Variants in CAPN3 observed in about 807,000 individuals in gnomAD.
The protein encoded by CAPN3 is calpain-3.
In CAPN3, 88 loss-of-function variants were observed where a neutral mutation model predicts 114.0. The ratio of observed to expected loss-of-function variants is 0.77; its 90% CI spans 0.65 to 0.92. The LOEUF is 0.92. Among genes scored for constraint, CAPN3 ranks in the 40% least tolerant of loss-of-function variants. The pLI is 0.00. For missense variants in CAPN3, 1,028 were observed against 1,069.0 expected, an observed-to-expected ratio of 0.96 and a Z score of 0.53; for synonymous variants, 386 against 382.9, an observed-to-expected ratio of 1.01 and a Z score of -0.09.
rs2054285403 is a variant in CAPN3, at chr15:42,412,278, A to G, written c.*505A>G. 8.3e-6 allele frequency: 10 copies of G among 1,210,746 alleles called. No homozygotes were observed. In the South Asian group the frequency reaches 9.6e-5, roughly 12 times the overall value. 75.0% of individuals were successfully genotyped at this position (1,210,746 alleles called of 1,614,324 possible). On this transcript the variant is annotated 3_prime_UTR_variant, in exon 24 of 24. Coordinates refer to ENST00000397163, the MANE Select transcript of CAPN3 (RefSeq NM_000070.3). Reference sequence around the variant, plus strand: ...AACTCATAAGTTTGGCTGCATTTTGAAAAAAGCTGATCTAAATAAAGGCAT... The same window carrying G: ...AACTCATAAGTTTGGCTGCATTTTGGAAAAAGCTGATCTAAATAAAGGCAT...
rs191304172 is a variant in CAPN3 at position 42,411,555 on chromosome 15, C to T, written c.2440-192C>T. Among the ~76,000 whole-genome samples, 319 of 151,982 alleles carry T rather than the reference C, an allele frequency of 2.1e-3. 2 individuals are homozygous for T. The highest frequency in any genetic ancestry group is 6.9e-3 in the African/African-American group (286 of 41,468). On this transcript the variant is annotated intron_variant, in intron 23 of 23. Coordinates refer to ENST00000397163, the MANE Select transcript of CAPN3 (RefSeq NM_000070.3). ...CCTCTGCTCCCCCAGTCACTTGATG[C>T]GGGAAAACATGCACCTTCTTAGGGA...
chr15:42,405,782 T>C (rs1744368519), intron 14 of CAPN3, 144 bp from the exon 15 acceptor site: 3 of 665,318 alleles, frequency 4.5e-6, no homozygotes, highest in Non-Finnish European at 8.2e-6. Context: ...ATGCCCCTTT[T>C]TGGCTCCATG....
At chr15:42,398,537 T>C (rs1241977869) in intron 9 of CAPN3, among the ~76,000 whole-genome samples, 1 of 148,782 alleles carries the variant, frequency 6.7e-6, no homozygotes, top group Non-Finnish European at 1.5e-5. Context: ...TGAGCCAAGA[T>C]CATGCCACTG....
chr15:42,359,752 A>G lies in CAPN3; in HGVS notation c.-54A>G. 6.2e-7 allele frequency: 1 copy of G among 1,610,896 alleles called. No homozygotes were observed. Among genetic ancestry groups the G allele is most frequent in the South Asian group, 1.1e-5 (1 of 90,868 alleles). Reference sequence around the variant, plus strand: ...CTTTGCAGTTGCTTCCTTTCCTTGAAGGTAGCTGTATCTTATTTTCTTTAA... The same window carrying G: ...CTTTGCAGTTGCTTCCTTTCCTTGAGGGTAGCTGTATCTTATTTTCTTTAA... On this transcript the variant is annotated 5_prime_UTR_variant, in exon 1 of 24. Transcript: ENST00000397163.
chr15:42,385,880 C>T (rs1566974253), intron 2 of CAPN3: 2 of 635,106 alleles, frequency 3.1e-6, no homozygotes, highest in Admixed American at 1.8e-5. Flanking sequence ...TCCATTGAGG[C>T]CTAAAAAGGA....
chr15:42,401,478 C>G (rs1457288260), intron 10 of CAPN3, among the ~76,000 whole-genome samples, 163 bp from the exon 11 acceptor site: 11 of 126,526 alleles, frequency 8.7e-5, no homozygotes, highest in Non-Finnish European at 1.6e-4. Flanking sequence ...GTAGCGCCCC[C>G]CCCCCCCCCA....
intron 15 of CAPN3, 29 bp downstream of exon 15, chr15:42,405,972 G>A (rs1485144760): frequency 3.1e-6 from 5 of 1,598,180 alleles, no homozygotes; most frequent in East Asian, 2.2e-5. Context: ...AGCATGAAGT[G>A]TGTGTACTCA....
At chr15:42,394,946 C>T (rs574268605) in intron 8 of CAPN3, among the ~76,000 whole-genome samples, 9 of 152,302 alleles carry the variant, frequency 5.9e-5, no homozygotes, top group African/African-American at 2.2e-4. Flanking sequence ...TTCCTGATTA[C>T]CTCCACTGAA....
At chr15:42,401,431 C>G (rs1329871713) in intron 10 of CAPN3, among the ~76,000 whole-genome samples, 2 of 150,254 alleles carry the variant, frequency 1.3e-5, no homozygotes, top group Non-Finnish European at 3.0e-5. Flanking sequence ...GAAGGAAAAG[C>G]CACACATACA....
chr15:42,410,731 A>G, intron 21 of CAPN3, 65 bp downstream of exon 21: 1 of 1,383,888 alleles, frequency 7.2e-7, no homozygotes, highest in Non-Finnish European at 1.0e-6. Flanking sequence ...ATGGGAGGGG[A>G]CTAGGCTACT....
chr15:42,402,276 A>G, intron 12 of CAPN3, 141 bp downstream of exon 12: 1 of 1,594,156 alleles, frequency 6.3e-7, no homozygotes, highest in East Asian at 2.2e-5. Flanking sequence ...TGTTATTTCC[A>G]CTGCAGAGCA....
chr15:42,366,834 T>C (rs1033732329), intron 1 of CAPN3, among the ~76,000 whole-genome samples: 2 of 141,704 alleles, frequency 1.4e-5, no homozygotes, highest in Non-Finnish European at 1.5e-5. Flanking sequence ...TTTTCTTTTT[T>C]TTTTTCTTTT....
At chr15:42,398,105 T>TGGGGG in intron 9 of CAPN3, among the ~76,000 whole-genome samples, 2 of 133,156 alleles carry the variant, frequency 1.5e-5, no homozygotes, top group African/African-American at 8.1e-5. Flanking sequence ...ATATATATTT[T>TGGGGG]TGGGGTACAT....
In CAPN3 at chr15:42,387,815, T is replaced by C. The variant is rs750787615; in HGVS notation, c.561T>C (p.Asn187=). ...VIDDCLPTYN[N]QLVFTKSNHR... Reference sequence around the variant, plus strand: ...ATGACTGCCTGCCAACGTACAACAATCAACTGGTTTTCACCAAGTCCAACC... The same window carrying C: ...ATGACTGCCTGCCAACGTACAACAACCAACTGGTTTTCACCAAGTCCAACC... Residue 187 remains asparagine, a synonymous_variant, in exon 4 of 24, where the codon AAT becomes AAC. Coordinates refer to ENST00000397163, the MANE Select transcript of CAPN3 (RefSeq NM_000070.3). 4.3e-6 allele frequency: 7 copies of C among 1,614,152 alleles called. No individual in the cohort carries two copies. In the Admixed American group the frequency reaches 1.2e-4, roughly 27 times the overall value.
At chr15:42,367,524 T>C (rs1423460877) in intron 1 of CAPN3, among the ~76,000 whole-genome samples, 1 of 152,162 alleles carries the variant, frequency 6.6e-6, no homozygotes, top group Non-Finnish European at 1.5e-5. Context: ...ACACCAGAAA[T>C]ATAGTATAAA....
chr15:42,393,278 G>A (rs916403652), intron 7 of CAPN3, among the ~76,000 whole-genome samples: 4 of 152,012 alleles, frequency 2.6e-5, no homozygotes, highest in African/African-American at 9.7e-5. Flanking sequence ...GGTTTTTTTG[G>A]TATTATTTTC....
At position 42,405,639 on chromosome 15, in the gene CAPN3, AAAG is replaced by A. The variant is rs548420893; in HGVS notation, c.1783-284_1783-282del. Among the ~76,000 whole-genome samples, 21 of 152,362 alleles carry A rather than the reference AAAG, an allele frequency of 1.4e-4. No homozygotes were observed. The South Asian group carries it at 4.4e-3, about 32-fold the overall frequency. On this transcript the variant is annotated intron_variant, in intron 14 of 23. Coordinates refer to ENST00000397163, the MANE Select transcript of CAPN3 (RefSeq NM_000070.3). ...CAATTTCATTTTTTAAAAAAGGAAG[AAAG>A]AAAACCTTAGCCAGAAGATCTTTTT...
intron 1 of CAPN3, among the ~76,000 whole-genome samples, chr15:42,374,794 CTTTTTTTTTT>C (rs66487749): frequency 1.2e-5 from 1 of 85,400 alleles, no homozygotes; most frequent in African/African-American, 4.9e-5. Flanking sequence ...TATCATGTCT[CTTTTTTTTTT>C]TTTTTTTTTT....
chr15:42,362,336 G>T (rs2052666935), intron 1 of CAPN3, among the ~76,000 whole-genome samples: 1 of 152,152 alleles, frequency 6.6e-6, no homozygotes, highest in Non-Finnish European at 1.5e-5. Context: ...AATCATTGGT[G>T]GACTTGAGTC....
Sources: gnomAD v4.1 joint callset for allele counts (sites outside exome capture counted in the v4.1 genomes callset) on GRCh38, gnomAD v4.1.1 for gene constraint, MANE v1.5 for transcripts, NCBI Gene and HGNC (gene_info 2026-07-23, HGNC 2026-07-21) for gene names.